GLRA3: variants seen among roughly 807,000 people sequenced by gnomAD.
GLRA3 encodes the protein glycine receptor subunit alpha-3.
In GLRA3, 44 loss-of-function variants were observed where a neutral mutation model predicts 60.4. That is an observed-to-expected ratio of 0.73 (90% CI 0.57 to 0.94). The LOEUF is 0.94. Among genes scored for constraint, GLRA3 ranks in the 40% least tolerant of loss-of-function variants. GLRA3 has a pLI of 0.00. For missense variants in GLRA3, 508 were observed against 564.6 expected (o/e 0.90, Z 1.02); for synonymous variants, 223 against 192.9 (o/e 1.16, Z -1.29).
chr4:174,717,570 T>C (rs1048262640), intron 4 of GLRA3, among the ~76,000 whole-genome samples: 5 of 152,116 alleles, frequency 3.3e-5, no homozygotes, highest in Non-Finnish European at 5.9e-5. Context: ...TTGGGACACA[T>C]AAATGGAGAG....
intron 2 of GLRA3, among the ~76,000 whole-genome samples, chr4:174,783,911 G>T (rs1009721047): frequency 2.0e-5 from 3 of 151,710 alleles, no homozygotes; most frequent in Non-Finnish European, 4.4e-5. Flanking sequence ...AGTCAGTGTG[G>T]CGATTCCTCA....
intron 7 of GLRA3, among the ~76,000 whole-genome samples, chr4:174,669,425 T>A (rs1166727727): frequency 1.3e-5 from 2 of 152,240 alleles, no homozygotes; most frequent in East Asian, 3.9e-4. Flanking sequence ...GCCCAGGATA[T>A]TGTGAGTTTC....
chr4:174,751,800 G>T (rs1737497310), intron 3 of GLRA3, among the ~76,000 whole-genome samples: 1 of 151,906 alleles, frequency 6.6e-6, no homozygotes, highest in East Asian at 1.9e-4. Context: ...ATTGGTTCTT[G>T]GTGGGTGAAA....
At chr4:174,654,637 C>A (rs1733131842) in intron 9 of GLRA3, among the ~76,000 whole-genome samples, 1 of 152,170 alleles carries the variant, frequency 6.6e-6, no homozygotes, top group South Asian at 2.1e-4. Flanking sequence ...ACATGAAATG[C>A]ATTAAAGCAA....
At chr4:174,772,390 C>T (rs1402378647) in intron 2 of GLRA3, among the ~76,000 whole-genome samples, 1 of 152,114 alleles carries the variant, frequency 6.6e-6, no homozygotes, top group Non-Finnish European at 1.5e-5. Flanking sequence ...CTTTATTCTC[C>T]ACCTGGTTAT....
In GLRA3 at chr4:174,640,253, T is replaced by C. The variant is rs1732595254; in HGVS notation, c.*3533A>G. The C allele has an allele frequency of 6.6e-6, 1 of 152,142 alleles. No individual in the cohort carries two copies. The highest frequency in any genetic ancestry group is 2.1e-4 in the South Asian group (1 of 4,830). The allele number at this position is 152,142 out of a possible 1,614,324, so 9.4% of individuals were successfully genotyped here. ...TCAGAGTTTTGTTCTTAGAGTGTTC[T>C]AAATTTTTAGGGGACACCTGTGAAA... On this transcript the variant is annotated 3_prime_UTR_variant, in exon 10 of 10. Transcript: ENST00000274093.
intron 3 of GLRA3, among the ~76,000 whole-genome samples, chr4:174,761,324 G>A (rs1388762386): frequency 1.3e-5 from 2 of 152,056 alleles, no homozygotes; most frequent in Middle Eastern, 3.2e-3. Flanking sequence ...ATAATTTAAA[G>A]TAGCATTTAT....
intron 4 of GLRA3, among the ~76,000 whole-genome samples, chr4:174,726,429 T>C (rs1036157857): frequency 2.0e-5 from 3 of 152,344 alleles, no homozygotes; most frequent in African/African-American, 7.2e-5. Flanking sequence ...TTGCATTTCT[T>C]CCTGTGGTGT....
At chr4:174,790,971 T>A (rs1373013659) in intron 1 of GLRA3, among the ~76,000 whole-genome samples, 1 of 146,700 alleles carries the variant, frequency 6.8e-6, no homozygotes, top group Non-Finnish European at 1.5e-5. Flanking sequence ...GCGACGGCAC[T>A]GCAGCCTGGA....
At chr4:174,828,230 T>A (rs965530624) in intron 1 of GLRA3, among the ~76,000 whole-genome samples, 5 of 152,138 alleles carry the variant, frequency 3.3e-5, no homozygotes, top group Admixed American at 1.3e-4. Context: ...CTGAGCTAGG[T>A]CATTAGAAAA....
chr4:174,671,486 T>G (rs1199129815), intron 7 of GLRA3, among the ~76,000 whole-genome samples: 1 of 152,224 alleles, frequency 6.6e-6, no homozygotes, highest in Non-Finnish European at 1.5e-5. Flanking sequence ...ATCCTTTTAT[T>G]GTAATCAACC....
intron 2 of GLRA3, among the ~76,000 whole-genome samples, chr4:174,781,630 G>T (rs1162657779): frequency 2.7e-5 from 4 of 150,838 alleles, no homozygotes; most frequent in African/African-American, 9.8e-5. Flanking sequence ...TGAGAAAGGG[G>T]ATATCACCAC....
chr4:174,822,957 T>C (rs1274156200), intron 1 of GLRA3, among the ~76,000 whole-genome samples: 2 of 152,238 alleles, frequency 1.3e-5, no homozygotes, highest in Admixed American at 6.5e-5. Context: ...CTGCATTGTT[T>C]TACCACTGTT....
At chr4:174,759,201 T>C (rs1317967316) in intron 3 of GLRA3, among the ~76,000 whole-genome samples, 2 of 152,052 alleles carry the variant, frequency 1.3e-5, no homozygotes, top group Admixed American at 6.6e-5. Flanking sequence ...GAAATTAACA[T>C]GTTACTATTC....
At chr4:174,827,048 TTGA>T (rs1396777533) in intron 1 of GLRA3, among the ~76,000 whole-genome samples, 1 of 151,972 alleles carries the variant, frequency 6.6e-6, no homozygotes, top group East Asian at 1.9e-4. Flanking sequence ...AAAGAAAAAC[TTGA>T]TGAAGAATAT....
intron 7 of GLRA3, among the ~76,000 whole-genome samples, chr4:174,675,198 G>C (rs183090673): frequency 1.3e-5 from 2 of 152,150 alleles, no homozygotes; most frequent in East Asian, 3.9e-4. Context: ...GATAGACTTT[G>C]TACACATGTA....
In GLRA3 at chr4:174,728,503, T is replaced by C. The variant is rs1186216812; in HGVS notation, c.463A>G (p.Lys155Glu). 1 of 1,606,156 alleles carries C rather than the reference T, an allele frequency of 6.2e-7. No homozygotes were observed. The highest frequency in any genetic ancestry group is 1.7e-5 in the Admixed American group (1 of 59,722). The part of the protein sequence containing the change: ...TTDNKLLRIF[K>E]NGNVLYSIRL... Reference sequence around the variant, plus strand: ...ATTGAATAAAGAACATTTCCATTTTTGAAAATTCTTAGCAATTTGTTGTCT... The same window carrying C: ...ATTGAATAAAGAACATTTCCATTTTCGAAAATTCTTAGCAATTTGTTGTCT... The change falls in exon 4 of 10, where the codon AAA becomes GAA. Residue 155 changes from lysine (K) to glutamate (E), a missense_variant. Transcript: ENST00000274093.
chr4:174,690,382 C>T (rs973909718), intron 5 of GLRA3, among the ~76,000 whole-genome samples: 5 of 152,096 alleles, frequency 3.3e-5, no homozygotes, highest in Non-Finnish European at 1.5e-5. Flanking sequence ...TAAATAACCT[C>T]AGGAATGGAC....
rs922770287 is a variant in GLRA3 at position 174,679,174 on chromosome 4, A to G, written c.713-1882T>C. Among the ~76,000 whole-genome samples the G allele has an allele frequency of 2.6e-4, 40 of 152,220 alleles. 1 individual carries two copies. Among genetic ancestry groups the G allele is most frequent in the Admixed American group, 6.5e-5 (1 of 15,292 alleles). ...GTGCAACCCCGTCTCTACTAAAAAT[A>G]CAAAAAATTAGCCAGTCGTGGTGGT... On this transcript the variant is annotated intron_variant, in intron 6 of 9. Transcript: ENST00000274093.
Sources: allele counts gnomAD v4.1 joint callset (sites outside exome capture counted in the v4.1 genomes callset), GRCh38; gene constraint gnomAD v4.1.1; transcripts MANE v1.5; gene names NCBI Gene and HGNC (gene_info 2026-07-23, HGNC 2026-07-21).